The following TRPC5 variants were observed in gnomAD, a reference collection of about 807,000 sequenced individuals.
The protein encoded by TRPC5 is transient receptor potential cation channel subfamily C member 5.
Under a neutral mutation model 56.5 loss-of-function variants are expected in TRPC5, and 9 were observed. The ratio of observed to expected loss-of-function variants is 0.16; its 90% CI spans 0.10 to 0.28. The LOEUF is 0.28. Among genes scored for constraint, TRPC5 ranks in the 10% least tolerant of loss-of-function variants. TRPC5 has a pLI of 1.00. For synonymous variants in TRPC5, 282 were observed against 278.5 expected, an observed-to-expected ratio of 1.01 and a Z score of -0.13; for missense variants, 469 against 748.9, an observed-to-expected ratio of 0.63 and a Z score of 4.36.
intron 1 of TRPC5, among the ~76,000 whole-genome samples, chrX:111,986,402 G>A (rs1468115795): frequency 9.1e-6 from 1 of 110,287 alleles, no homozygotes; most frequent in Non-Finnish European, 1.9e-5. Context: ...AACTCAAATA[G>A]TTCTTCTGGA....
intron 2 of TRPC5, among the ~76,000 whole-genome samples, chrX:111,914,301 A>G (rs1053640681): frequency 2.7e-5 from 3 of 112,449 alleles, no homozygotes; most frequent in African/African-American, 9.7e-5. Context: ...GTTTTGTTTT[A>G]GATTTTTTTA....
At chrX:112,031,875 T>C (rs1017033828) in intron 1 of TRPC5, among the ~76,000 whole-genome samples, 6 of 74,538 alleles carry the variant, frequency 8.0e-5, no homozygotes, top group Non-Finnish European at 1.2e-4. Context: ...TATTCCATTG[T>C]ATATATATAT....
intron 3 of TRPC5, among the ~76,000 whole-genome samples, chrX:111,906,350 G>GT (rs1925622870): frequency 2.3e-5 from 1 of 43,270 alleles, no homozygotes; most frequent in Non-Finnish European, 7.1e-5. Context: ...GCGAAACTCT[G>GT]TTTAAAAAAA....
At chrX:111,847,946 T>A in intron 5 of TRPC5, among the ~76,000 whole-genome samples, 1 of 111,587 alleles carries the variant, frequency 9.0e-6, no homozygotes, top group Middle Eastern at 4.6e-3. Flanking sequence ...CAGTGTTCAT[T>A]CTCACTCCCT....
intron 1 of TRPC5, among the ~76,000 whole-genome samples, chrX:111,999,532 G>C (rs998195885): frequency 8.9e-6 from 1 of 112,015 alleles, no homozygotes; most frequent in Non-Finnish European, 1.9e-5. Flanking sequence ...TGAGCACTTA[G>C]ATTGACTCCA....
intron 1 of TRPC5, among the ~76,000 whole-genome samples, chrX:111,970,838 C>T (rs1319509936): frequency 1.9e-5 from 2 of 103,832 alleles, no homozygotes; most frequent in Non-Finnish European, 2.0e-5. Flanking sequence ...GGCGCGATCT[C>T]GGCTCACTGC....
At chrX:111,807,218 T>A (rs976966770) in intron 7 of TRPC5, among the ~76,000 whole-genome samples, 1 of 111,738 alleles carries the variant, frequency 8.9e-6, no homozygotes, top group Non-Finnish European at 1.9e-5. Flanking sequence ...TTTGCCCTTT[T>A]GAGGCTATTT....
intron 3 of TRPC5, among the ~76,000 whole-genome samples, chrX:111,868,330 A>G (rs1923609801): frequency 8.9e-6 from 1 of 112,339 alleles, no homozygotes. Context: ...CAGAGGAGAA[A>G]TATCTTTGTT....
chrX:111,968,240 G>A (rs1405669030), intron 1 of TRPC5, among the ~76,000 whole-genome samples: 2 of 110,978 alleles, frequency 1.8e-5, no homozygotes, highest in Non-Finnish European at 3.8e-5. Flanking sequence ...ATCATCACTG[G>A]CCATCAGAGA....
intron 6 of TRPC5, among the ~76,000 whole-genome samples, chrX:111,835,455 A>G (rs1444583847): frequency 8.9e-6 from 1 of 112,054 alleles, no homozygotes; most frequent in African/African-American, 3.3e-5. Flanking sequence ...TTTTTTTACC[A>G]TTCTAATTAT....
chrX:111,966,899 A>G (rs1927604139), intron 1 of TRPC5, among the ~76,000 whole-genome samples: 2 of 106,114 alleles, frequency 1.9e-5, no homozygotes, highest in South Asian at 7.7e-4. Context: ...AACTGGAAGC[A>G]TTCCCTTTCA....
At chrX:111,787,934 C>A (rs1323027585) in intron 7 of TRPC5, among the ~76,000 whole-genome samples, 2 of 111,324 alleles carry the variant, frequency 1.8e-5, no homozygotes, top group Non-Finnish European at 3.8e-5. Context: ...GCCTACCAAT[C>A]AAAAAAAGTC....
intron 2 of TRPC5, among the ~76,000 whole-genome samples, chrX:111,934,584 A>G (rs1248421209): frequency 9.0e-6 from 1 of 110,771 alleles, no homozygotes; most frequent in Non-Finnish European, 1.9e-5. Flanking sequence ...CTATCTTTGC[A>G]CCCATTAAGC....
intron 7 of TRPC5, among the ~76,000 whole-genome samples, chrX:111,800,813 TAGTA>T (rs1336400143): frequency 1.8e-5 from 2 of 111,114 alleles, no homozygotes; most frequent in African/African-American, 6.5e-5. Flanking sequence ...TAATTGTTAT[TAGTA>T]AGGCTTCCCA....
At chrX:111,832,085 T>C (rs145199354) in intron 7 of TRPC5, among the ~76,000 whole-genome samples, 5 of 111,559 alleles carry the variant, frequency 4.5e-5, no homozygotes, top group Admixed American at 9.5e-5. Context: ...AACAATAATA[T>C]ACAATATGGC....
At chrX:111,846,052 C>CTGTTTTGTTTTGTTT (rs1198798756) in intron 6 of TRPC5, among the ~76,000 whole-genome samples, 1 of 111,742 alleles carries the variant, frequency 8.9e-6, no homozygotes, top group Non-Finnish European at 1.9e-5. Flanking sequence ...CTAGATAGCA[C>CTGTTTTGTTTTGTTT]TGTTTTGTTT....
chrX:112,027,197 T>C (rs1929436044), intron 1 of TRPC5, among the ~76,000 whole-genome samples: 1 of 112,159 alleles, frequency 8.9e-6, no homozygotes, highest in African/African-American at 3.2e-5. Context: ...ATAATTCATG[T>C]GTTCTTTGAA....
intron 3 of TRPC5, among the ~76,000 whole-genome samples, chrX:111,867,380 A>G (rs1322715313): frequency 8.9e-6 from 1 of 112,268 alleles, no homozygotes. Context: ...TCAGAGATGG[A>G]AAAAATCAGC....
chrX:111,779,293 T>A (rs1455676486), intron 9 of TRPC5, among the ~76,000 whole-genome samples: 2 of 111,793 alleles, frequency 1.8e-5, no homozygotes, highest in African/African-American at 6.5e-5. Context: ...TAAAGGAAAA[T>A]TTTTTACCCA....
Sources: gnomAD v4.1 joint callset for allele counts (sites outside exome capture counted in the v4.1 genomes callset) on GRCh38, gnomAD v4.1.1 for gene constraint, MANE v1.5 for transcripts, NCBI Gene and HGNC (gene_info 2026-07-23, HGNC 2026-07-21) for gene names.